DCAF15: variants seen among roughly 807,000 people sequenced by gnomAD.
The protein encoded by DCAF15 is DDB1 and CUL4 associated factor 15.
Under a neutral mutation model 68.0 loss-of-function variants are expected in DCAF15, and 24 were observed. The observed-to-expected ratio is 0.35, with a 90% CI of 0.26 to 0.50. The LOEUF (loss-of-function observed/expected upper bound fraction) is 0.50. Ranked by LOEUF, DCAF15 falls within the 20% of genes least tolerant of loss-of-function variation. DCAF15 has a pLI of 0.98. For synonymous variants in DCAF15, 376 were observed against 341.6 expected, an observed-to-expected ratio of 1.10 and a Z score of -1.11; for missense variants, 627 against 830.6, an observed-to-expected ratio of 0.75 and a Z score of 3.01.
chr19:13,955,036 T>C (rs1221742361), intron 3 of DCAF15, among the ~76,000 whole-genome samples: 1 of 149,150 alleles, frequency 6.7e-6, no homozygotes, highest in Non-Finnish European at 1.5e-5. Flanking sequence ...AGCCCAAGAG[T>C]TTGAGGCTGC....
In DCAF15 at chr19:13,959,177, GTTC is replaced by G. The variant is rs1279224408; in HGVS notation, c.922_924del (p.Ser308del). On this transcript the variant is annotated inframe_deletion, in exon 7 of 13. Transcript: ENST00000254337. ...TTCTGCCCTGAGGCGGCCCCAGCCC[GTTC>G]TTCTGGGTCTCCTGAGCCCTCGCCC... 2.5e-6 allele frequency: 4 copies of G among 1,612,396 alleles called. No individual in the cohort carries two copies. In the African/African-American group the frequency reaches 5.3e-5, roughly 22 times the overall value.
At chr19:13,956,287 C>T in intron 5 of DCAF15, 25 bp downstream of exon 5, 2 of 1,611,506 alleles carry the variant, frequency 1.2e-6, no homozygotes, top group East Asian at 2.2e-5. Flanking sequence ...GGGGCGAGGG[C>T]CTCTTCCCCC....
chr19:13,952,793 G>C, intron 1 of DCAF15, 149 bp downstream of exon 1: 1 of 1,274,194 alleles, frequency 7.8e-7, no homozygotes, highest in Non-Finnish European at 1.0e-6. Flanking sequence ...CGGGGCCCGG[G>C]GGAGATGGCT....
chr19:13,960,090 C>T (rs368322847), intron 10 of DCAF15, 21 bp downstream of exon 10: 5 of 1,612,498 alleles, frequency 3.1e-6, no homozygotes, highest in East Asian at 2.2e-5. Context: ...GGATCCTGCC[C>T]TCTCTGTCCA....
rs1186132363 is a variant in DCAF15 at position 13,960,223 on chromosome 19, G to A, written c.1527-64G>A. On this transcript the variant is annotated intron_variant, in intron 10 of 12. Transcript: ENST00000254337. The stretch of plus-strand genomic sequence containing the variant: ...CCAAAGACAAAAGGCCCTCAGGGTA[G>A]CCTGGGGCCTGGTTCAGGAGCCCGG... The A allele has an allele frequency of 8.3e-6, 13 of 1,574,122 alleles. 1 individual carries two copies. In the Admixed American group the frequency reaches 1.0e-4, roughly 12 times the overall value.
intron 4 of DCAF15, 25 bp from the exon 5 acceptor site, chr19:13,956,098 C>T: frequency 3.1e-6 from 5 of 1,610,288 alleles, no homozygotes; most frequent in Non-Finnish European, 4.2e-6. Context: ...GCCGACCAGG[C>T]AGCTGAGGGT....
At chr19:13,954,484 G>T (rs746342075) in intron 2 of DCAF15, 42 bp from the exon 3 acceptor site, 1 of 1,613,966 alleles carries the variant, frequency 6.2e-7, no homozygotes, top group Non-Finnish European at 8.5e-7. Flanking sequence ...GGAGTGGTGG[G>T]CTCGCCCTGA....
intron 1 of DCAF15, chr19:13,953,086 C>A (rs750347078): frequency 6.4e-7 from 1 of 1,550,712 alleles, no homozygotes; most frequent in Non-Finnish European, 8.7e-7. Flanking sequence ...CCTGCCCAAG[C>A]CCCGACCACA....
intron 6 of DCAF15, among the ~76,000 whole-genome samples, chr19:13,957,004 C>G (rs866029108): frequency 1.3e-5 from 2 of 152,242 alleles, no homozygotes; most frequent in Non-Finnish European, 2.9e-5. Context: ...GATCCACTCA[C>G]CTTGGCCTCC....
In DCAF15 at chr19:13,960,082, A is replaced by C; in HGVS notation, c.1526+13A>C. On this transcript the variant is annotated intron_variant, in intron 10 of 12. Coordinates refer to ENST00000254337, the MANE Select transcript of DCAF15 (RefSeq NM_138353.4). The stretch of plus-strand genomic sequence containing the variant: ...AGGGCCAGCTCCGGTGAGCGCGGGG[A>C]TCCTGCCCTCTCTGTCCACTAGGGG... 6.2e-7 allele frequency: 1 copy of C among 1,613,018 alleles called. No homozygotes were observed. Among genetic ancestry groups the C allele is most frequent in the Non-Finnish European group, 8.5e-7 (1 of 1,179,796 alleles).
In DCAF15 at chr19:13,961,183, C is replaced by T; in HGVS notation, c.*188C>T. 1 of 675,374 alleles carries T rather than the reference C, an allele frequency of 1.5e-6. No homozygotes were observed. The highest frequency in any genetic ancestry group is 2.5e-6 in the Non-Finnish European group (1 of 399,858). The allele number at this position is 675,374 out of a possible 1,614,324, so 41.8% of individuals were successfully genotyped here. ...GGGTCTGGACGCTTTTTATTTATGC[C>T]TATTTAAGTTGGGAAGGGGCAGAGA... On this transcript the variant is annotated 3_prime_UTR_variant, in exon 13 of 13. Transcript: ENST00000254337.
intron 6 of DCAF15, among the ~76,000 whole-genome samples, chr19:13,957,245 G>A (rs920073979): frequency 6.6e-6 from 1 of 152,222 alleles, no homozygotes; most frequent in Non-Finnish European, 1.5e-5. Flanking sequence ...GATGTCCCTT[G>A]ACAGTGACAA....
In DCAF15 at chr19:13,959,802, C is replaced by T. The variant is rs758486923; in HGVS notation, c.1347C>T (p.Asp449=). 5 of 1,611,048 alleles carry T rather than the reference C, an allele frequency of 3.1e-6. No individual in the cohort carries two copies. In the African/African-American group the frequency reaches 4.1e-5, roughly 13 times the overall value. ...QYLTVEQLTL[D]FEYVINEVIR... ...TGACAGTGGAGCAGCTCACACTAGA[C>T]TTCGAATATGTTATCAATGAGGTCA... is the stretch of plus-strand genomic sequence containing the variant. The change falls in exon 9 of 13, where the codon GAC becomes GAT. Residue 449 remains aspartate (D), a synonymous_variant. Transcript: ENST00000254337.
chr19:13,959,087 G>GC lies in DCAF15; in HGVS notation c.832dup (p.Leu278ProfsTer8). ...CAAATCCTGTATGACCACAGCACCTGCCCCCTGGCGCCTGCCAGCCCCCCT... is the reference window on the plus strand; with the variant it reads ...CAAATCCTGTATGACCACAGCACCTGCCCCCCTGGCGCCTGCCAGCCCCCCT... On this transcript the variant is annotated frameshift_variant, in exon 7 of 13. Coordinates refer to ENST00000254337, the MANE Select transcript of DCAF15 (RefSeq NM_138353.4). LOFTEE classifies it high-confidence loss of function. 1.9e-6 allele frequency: 3 copies of GC among 1,612,318 alleles called. No homozygotes were observed. The highest frequency in any genetic ancestry group is 2.5e-6 in the Non-Finnish European group (3 of 1,179,476).
rs754445600 is a variant in DCAF15, at chr19:13,961,003, G to T, written c.*8G>T. ...ACGTGGATCGTGCTGTGAGGGCCAG[G>T]CCGCCCCGGACACTGACTCCAACTA... On this transcript the variant is annotated 3_prime_UTR_variant, in exon 13 of 13. Transcript: ENST00000254337. 1 of 1,613,458 alleles carries T rather than the reference G, an allele frequency of 6.2e-7. No individual in the cohort carries two copies. Among genetic ancestry groups the T allele is most frequent in the African/African-American group, 1.3e-5 (1 of 74,936 alleles).
At position 13,956,127 on chromosome 19, in the gene DCAF15, C is replaced by T; in HGVS notation, c.478C>T (p.Arg160Cys). The T allele has an allele frequency of 1.2e-6, 2 of 1,609,216 alleles. No homozygotes were observed. Among genetic ancestry groups the T allele is most frequent in the South Asian group, 1.1e-5 (1 of 90,836 alleles). Reference protein sequence around the residue: ...SKVIVFGFNTRSANGMLMNMM... With the variant: ...SKVIVFGFNTCSANGMLMNMM... ...TGAGGGTATGCTGGCCCCCAGCACC[C>T]GCTCGGCCAACGGGATGCTCATGAA... The change falls in exon 5 of 13, where the codon CGC (arginine) becomes TGC (cysteine). Residue 160 changes from arginine (R) to cysteine (C), a missense_variant. Arg to Cys is a radical substitution (Grantham distance 180). This residue lies in a region of DCAF15 where 273 missense variants were observed against 393.7 expected (regional missense o/e 0.69). Coordinates refer to ENST00000254337, the MANE Select transcript of DCAF15 (RefSeq NM_138353.4).
chr19:13,953,195 C>A (rs1050124163), intron 1 of DCAF15: 4 of 1,466,230 alleles, frequency 2.7e-6, no homozygotes, highest in Non-Finnish European at 3.7e-6. Context: ...TGAGAGTTAC[C>A]GAAGCAGGCT....
At chr19:13,957,048 G>A (rs968022080) in intron 6 of DCAF15, among the ~76,000 whole-genome samples, 3 of 152,242 alleles carry the variant, frequency 2.0e-5, no homozygotes, top group Non-Finnish European at 4.4e-5. Flanking sequence ...GAGCCACCGC[G>A]TCTGGCCTGT....
intron 3 of DCAF15, 145 bp downstream of exon 3, chr19:13,954,806 A>G: frequency 1.1e-6 from 1 of 943,424 alleles, no homozygotes; most frequent in East Asian, 2.6e-5. Context: ...GTTAGATCCA[A>G]CCATATGAAA....
Sources: allele counts gnomAD v4.1 joint callset (sites outside exome capture counted in the v4.1 genomes callset), GRCh38; gene constraint gnomAD v4.1.1; regional missense constraint gnomAD v4.1.1; transcripts MANE v1.5; gene names NCBI Gene and HGNC (gene_info 2026-07-23, HGNC 2026-07-21).